The following VSTM2L variants were observed in gnomAD, a reference collection of about 807,000 sequenced individuals.
VSTM2L encodes V-set and transmembrane domain containing 2 like, also known as V-set and transmembrane domain-containing protein 2-like protein.
A neutral mutation model predicts 19.9 loss-of-function variants in VSTM2L; 9 were observed. The observed-to-expected ratio is 0.45, with a 90% CI of 0.27 to 0.79. VSTM2L has a LOEUF of 0.79. Ranked by LOEUF, VSTM2L falls within the 30% of genes least tolerant of loss-of-function variation. VSTM2L has a pLI of 0.15. For synonymous variants in VSTM2L, 127 were observed against 133.8 expected, an observed-to-expected ratio of 0.95 and a Z score of 0.35; for missense variants, 286 against 295.5, an observed-to-expected ratio of 0.97 and a Z score of 0.24.
chr20:37,922,149 TTCA>T (rs753100119), intron 1 of VSTM2L, among the ~76,000 whole-genome samples: 28 of 152,136 alleles, frequency 1.8e-4, no homozygotes, highest in Non-Finnish European at 3.7e-4. Context: ...CCAGAAATTG[TTCA>T]TCATCTGAAA....
chr20:37,910,922 A>G (rs555473031), intron 1 of VSTM2L, among the ~76,000 whole-genome samples: 6 of 151,200 alleles, frequency 4.0e-5, no homozygotes, highest in Non-Finnish European at 7.4e-5. Flanking sequence ...GTCTCTTAAA[A>G]AAAAAAAAAA....
At chr20:37,914,388 G>GTGTATGT (rs1568835300) in intron 1 of VSTM2L, among the ~76,000 whole-genome samples, 21 of 149,302 alleles carry the variant, frequency 1.4e-4, no homozygotes, top group South Asian at 4.2e-4. Context: ...GTGTATGTGT[G>GTGTATGT]GGTGTGTGTA....
At chr20:37,925,891 T>C (rs1338856980) in intron 1 of VSTM2L, among the ~76,000 whole-genome samples, 1 of 152,188 alleles carries the variant, frequency 6.6e-6, no homozygotes, top group Non-Finnish European at 1.5e-5. Context: ...CTACCTAGCC[T>C]ACTGGGGCTA....
chr20:37,942,204 G>T (rs924640517), intron 3 of VSTM2L, among the ~76,000 whole-genome samples: 1 of 152,208 alleles, frequency 6.6e-6, no homozygotes, highest in Admixed American at 6.5e-5. Flanking sequence ...ATGGATGGCT[G>T]GGCATGGTGG....
chr20:37,914,829 T>C (rs990977154), intron 1 of VSTM2L, among the ~76,000 whole-genome samples: 3 of 152,170 alleles, frequency 2.0e-5, no homozygotes, highest in Admixed American at 2.0e-4. Flanking sequence ...CCCAACCCTA[T>C]GTTCCCCCAG....
chr20:37,921,194 G>T (rs1477062735), intron 1 of VSTM2L, among the ~76,000 whole-genome samples: 1 of 152,226 alleles, frequency 6.6e-6, no homozygotes, highest in Non-Finnish European at 1.5e-5. Context: ...CCTGAGGAGG[G>T]AGAGTACCTT....
At chr20:37,911,193 C>G (rs1361824943) in intron 1 of VSTM2L, among the ~76,000 whole-genome samples, 1 of 137,704 alleles carries the variant, frequency 7.3e-6, no homozygotes, top group Non-Finnish European at 1.5e-5. Context: ...TTGCTTGAAT[C>G]CAGGAGGCGG....
chr20:37,914,148 C>T (rs568713857), intron 1 of VSTM2L, among the ~76,000 whole-genome samples: 4 of 149,062 alleles, frequency 2.7e-5, no homozygotes, highest in Non-Finnish European at 4.5e-5. Flanking sequence ...TGTGTGTGTG[C>T]GTGTGTGTAT....
chr20:37,917,088 C>T (rs539879979), intron 1 of VSTM2L, among the ~76,000 whole-genome samples: 13 of 152,056 alleles, frequency 8.5e-5, no homozygotes, highest in South Asian at 2.1e-4. Context: ...CCAAGACGGG[C>T]GGATCACGAG....
chr20:37,943,595 C>T (rs2072986604), intron 3 of VSTM2L, among the ~76,000 whole-genome samples: 1 of 152,064 alleles, frequency 6.6e-6, no homozygotes, highest in African/African-American at 2.4e-5. Flanking sequence ...CTTCCACACC[C>T]GGAAGACCCC....
At chr20:37,917,814 G>A (rs6126538) in intron 1 of VSTM2L, among the ~76,000 whole-genome samples, 3 of 152,260 alleles carry the variant, frequency 2.0e-5, no homozygotes, top group Non-Finnish European at 2.9e-5. Flanking sequence ...TGGGACAAGA[G>A]GCCGTTGATG....
intron 3 of VSTM2L, 61 bp from the exon 4 acceptor site, chr20:37,943,920 G>A (rs1186137173): frequency 2.8e-5 from 6 of 213,744 alleles, no homozygotes; most frequent in East Asian, 2.7e-4. Context: ...CCCCCCCCCC[G>A]ACTCTTCTTC....
In VSTM2L at chr20:37,944,349, C is replaced by T. The variant is rs7269857; in HGVS notation, c.*96C>T. On this transcript the variant is annotated 3_prime_UTR_variant, in exon 4 of 4. Coordinates refer to ENST00000373461, the MANE Select transcript of VSTM2L (RefSeq NM_080607.3). ...GGGACCGACTGCCTGCGTCCAGCCGCGCCCCATCCCCGAGGCCGCCTGTGG... is the reference window on the plus strand; with the variant it reads ...GGGACCGACTGCCTGCGTCCAGCCGTGCCCCATCCCCGAGGCCGCCTGTGG... The T allele has an allele frequency of 0.18, 236,430 of 1,296,318 alleles. 22,562 individuals carry two copies. Among genetic ancestry groups the T allele is most frequent in the Admixed American group, 0.22 (6,826 of 31,496 alleles). The allele number at this position is 1,296,318 out of a possible 1,614,324, so 80.3% of individuals were successfully genotyped here.
chr20:37,910,844 G>T (rs2072775272), intron 1 of VSTM2L, among the ~76,000 whole-genome samples: 1 of 150,878 alleles, frequency 6.6e-6, no homozygotes, highest in South Asian at 2.1e-4. Flanking sequence ...TTGAGCCCAA[G>T]AGTTCAAGGC....
At chr20:37,911,541 C>T (rs6021821) in intron 1 of VSTM2L, among the ~76,000 whole-genome samples, 1,599 of 152,322 alleles carry the variant, frequency 0.01, 32 homozygotes, top group African/African-American at 0.035. Context: ...GAGCCCCCAA[C>T]GCCGAGGATG....
intron 3 of VSTM2L, among the ~76,000 whole-genome samples, chr20:37,938,763 CT>C (rs1353142637): frequency 6.6e-6 from 1 of 152,238 alleles, no homozygotes; most frequent in Non-Finnish European, 1.5e-5. Context: ...GGGTCCCTTT[CT>C]TCGTGGGCTC....
intron 3 of VSTM2L, among the ~76,000 whole-genome samples, chr20:37,939,501 A>G (rs1050261947): frequency 1.3e-5 from 2 of 152,200 alleles, no homozygotes; most frequent in Admixed American, 6.5e-5. Context: ...GTGATCAGGC[A>G]CTTCATAAAC....
chr20:37,932,407 G>C (rs749581172), intron 2 of VSTM2L, among the ~76,000 whole-genome samples: 5 of 152,088 alleles, frequency 3.3e-5, no homozygotes, highest in Non-Finnish European at 7.4e-5. Flanking sequence ...CTCTGGCTCT[G>C]CTTGAGGGTT....
At chr20:37,903,759 T>C (rs535546465) in intron 1 of VSTM2L, among the ~76,000 whole-genome samples, 1 of 152,132 alleles carries the variant, frequency 6.6e-6, no homozygotes, top group Admixed American at 6.5e-5. Context: ...AGTCGCTGCT[T>C]TCTCACACTC....
Sources: allele counts gnomAD v4.1 joint callset (sites outside exome capture counted in the v4.1 genomes callset), GRCh38; gene constraint gnomAD v4.1.1; transcripts MANE v1.5; gene names NCBI Gene and HGNC (gene_info 2026-07-23, HGNC 2026-07-21).